The following ANKRD30A variants were observed in gnomAD, a reference collection of about 807,000 sequenced individuals.
ANKRD30A encodes ankyrin repeat domain-containing protein 30A.
Under a neutral mutation model 166.3 loss-of-function variants are expected in ANKRD30A, and 170 were observed. That is an observed-to-expected ratio of 1.02 (90% CI 0.90 to 1.16). ANKRD30A has a LOEUF of 1.16. Ranked by LOEUF, ANKRD30A falls within the 50% of genes most tolerant of loss-of-function variation. ANKRD30A has a pLI of 0.00. For synonymous variants in ANKRD30A, 564 were observed against 508.9 expected, an observed-to-expected ratio of 1.11 and a Z score of -1.46; for missense variants, 1,630 against 1,518.0, an observed-to-expected ratio of 1.07 and a Z score of -1.23.
chr10:37,191,502 C>T (rs543619199), intron 25 of ANKRD30A, among the ~76,000 whole-genome samples: 18 of 151,906 alleles, frequency 1.2e-4, no homozygotes, highest in Admixed American at 2.0e-4. Context: ...TAGCATTCTA[C>T]GTTCAGCTTT....
At chr10:37,144,349 G>A (rs1025921356) in intron 7 of ANKRD30A, among the ~76,000 whole-genome samples, 37 of 152,234 alleles carry the variant, frequency 2.4e-4, no homozygotes, top group African/African-American at 7.9e-4. Flanking sequence ...TCTCCAAGGA[G>A]GCACAAGTTG....
At chr10:37,162,275 A>C (rs1434506769) in intron 15 of ANKRD30A, among the ~76,000 whole-genome samples, 1 of 152,184 alleles carries the variant, frequency 6.6e-6, no homozygotes, top group Non-Finnish European at 1.5e-5. Flanking sequence ...TACCTTTCCG[A>C]AGATAGGCTA....
intron 27 of ANKRD30A, among the ~76,000 whole-genome samples, chr10:37,196,764 C>A (rs1345192732): frequency 6.6e-6 from 1 of 151,992 alleles, no homozygotes; most frequent in Non-Finnish European, 1.5e-5. Flanking sequence ...TGATTACACC[C>A]TATGGTTATG....
At chr10:37,139,155 A>C (rs571732884) in intron 6 of ANKRD30A, among the ~76,000 whole-genome samples, 25 of 152,336 alleles carry the variant, frequency 1.6e-4, no homozygotes, top group South Asian at 4.1e-4. Flanking sequence ...GAAATAAAAT[A>C]CTTTACAGAC....
chr10:37,222,133 T>C (rs1842928411), intron 34 of ANKRD30A, among the ~76,000 whole-genome samples: 1 of 151,298 alleles, frequency 6.6e-6, no homozygotes, highest in African/African-American at 2.4e-5. Flanking sequence ...CACATTTAAA[T>C]TGTACAACTC....
the ANKRD30A span, among the ~76,000 whole-genome samples, chr10:37,245,032 G>A: frequency 7.9e-5 from 12 of 152,154 alleles, no homozygotes; most frequent in Non-Finnish European, 1.6e-4. Context: ...CAAGGATTTT[G>A]ATTGGAATTT....
Position 37,178,362 on chromosome 10 carries a change from G to A in ANKRD30A, c.2421+2144G>A, listed in dbSNP as rs16937402. 3.3e-3 allele frequency: 1,083 copies of A among 325,002 alleles called. 4 individuals are homozygous for A. Among genetic ancestry groups the A allele is most frequent in the African/African-American group, 0.022 (980 of 44,932 alleles). The allele number at this position is 325,002 out of a possible 1,614,324, so 20.1% of individuals were successfully genotyped here. A position where few individuals can be genotyped will look rare whatever the true frequency, so the allele number is the denominator to read the frequency against. On this transcript the variant is annotated intron_variant, in intron 24 of 35. Transcript: ENST00000361713. Reference sequence around the variant, plus strand: ...GTATATAAATTGTCATATACACTCCGTATAGACCAGAGGTTTTCAAACTTT... The same window carrying A: ...GTATATAAATTGTCATATACACTCCATATAGACCAGAGGTTTTCAAACTTT...
At chr10:37,127,416 C>T (rs1441542898) in intron 1 of ANKRD30A, among the ~76,000 whole-genome samples, 1 of 152,052 alleles carries the variant, frequency 6.6e-6, no homozygotes, top group Non-Finnish European at 1.5e-5. Flanking sequence ...AGCAAGCACT[C>T]TGAAGGGCAA....
Position 37,153,661 on chromosome 10 carries a change from A to G in ANKRD30A, c.1797A>G (p.Glu599=). 6.2e-7 allele frequency: 1 copy of G among 1,611,076 alleles called. No individual in the cohort carries two copies. Among genetic ancestry groups the G allele is most frequent in the Non-Finnish European group, 8.5e-7 (1 of 1,179,332 alleles). ...TAGATAAAATAAATGGAAAATTAGA[A>G]GGTAAGAACCGTTTTTTATTTAAAA... ...KEIDKINGKL[E]ESPNKDGLLK... The change falls in exon 13 of 36, where the codon GAA becomes GAG. Residue 599 remains glutamate (E), a splice_region_variant and synonymous_variant. Transcript: ENST00000361713.
chr10:37,210,957 G>A (rs887576473), intron 31 of ANKRD30A, among the ~76,000 whole-genome samples: 9 of 152,172 alleles, frequency 5.9e-5, no homozygotes, highest in Non-Finnish European at 1.3e-4. Context: ...CTGTGCCGAA[G>A]CTCTTTAGTT....
intron 12 of ANKRD30A, among the ~76,000 whole-genome samples, chr10:37,153,175 T>TAAAAC (rs1440779264): frequency 4.6e-5 from 7 of 152,180 alleles, no homozygotes; most frequent in Admixed American, 2.0e-4. Flanking sequence ...TTTAAATGTT[T>TAAAAC]AATGCTGTAT....
chr10:37,218,503 CTA>C (rs1164278513), intron 33 of ANKRD30A, among the ~76,000 whole-genome samples: 1 of 150,742 alleles, frequency 6.6e-6, no homozygotes, highest in South Asian at 2.1e-4. Flanking sequence ...TTAAAATTAA[CTA>C]TATTTTTTAA....
chr10:37,235,924 C>G (rs1385956521), downstream of ANKRD30A, among the ~76,000 whole-genome samples: 6 of 151,990 alleles, frequency 3.9e-5, no homozygotes, highest in African/African-American at 1.4e-4. Context: ...CGCCCGCCAC[C>G]AAGCACAGCT....
chr10:37,157,572 G>A (rs1838482815), intron 13 of ANKRD30A, among the ~76,000 whole-genome samples: 1 of 152,086 alleles, frequency 6.6e-6, no homozygotes, highest in Non-Finnish European at 1.5e-5. Context: ...CCAAAATAGT[G>A]ATTTTGGCCA....
chr10:37,219,320 CT>C lies in ANKRD30A; in HGVS notation c.3610del (p.Ser1204LeufsTer10). 2 of 1,610,264 alleles carry C rather than the reference CT, an allele frequency of 1.2e-6. No individual in the cohort carries two copies. The highest frequency in any genetic ancestry group is 1.7e-6 in the Non-Finnish European group (2 of 1,177,534). ...ATTGAATCACACCATCCTAGACTGGCTTCTGCTGTACAAGACCATGATCAAA... is the reference window on the plus strand; with the variant it reads ...ATTGAATCACACCATCCTAGACTGGCTCTGCTGTACAAGACCATGATCAAA... ...AEIESHHPRL[A>X]SAVQDHDQIV... On this transcript the variant is annotated frameshift_variant, in exon 34 of 36. Coordinates refer to ENST00000361713, the MANE Select transcript of ANKRD30A (RefSeq NM_052997.3). LOFTEE classifies it high-confidence loss of function.
At chr10:37,154,200 A>G (rs1328524876) in intron 13 of ANKRD30A, among the ~76,000 whole-genome samples, 5 of 152,196 alleles carry the variant, frequency 3.3e-5, no homozygotes, top group Admixed American at 1.3e-4. Context: ...GCTGTGTTCT[A>G]TTTGCAATAG....
chr10:37,249,915 A>G, the ANKRD30A span, among the ~76,000 whole-genome samples: 2 of 152,248 alleles, frequency 1.3e-5, no homozygotes, highest in Non-Finnish European at 2.9e-5. Context: ...TAAGGTGAGT[A>G]GTAGAAGGAA....
intron 2 of ANKRD30A, 56 bp downstream of exon 2, chr10:37,130,063 T>G (rs1478437699): frequency 5.4e-5 from 69 of 1,277,404 alleles, no homozygotes; most frequent in Non-Finnish European, 2.6e-5. Context: ...ATACATAGAA[T>G]AAAAATGAAT....
the ANKRD30A span, among the ~76,000 whole-genome samples, chr10:37,265,856 A>G: frequency 6.6e-6 from 1 of 152,120 alleles, no homozygotes; most frequent in Non-Finnish European, 1.5e-5. Flanking sequence ...TGCCTCACTT[A>G]CTCTGCGGAA....
Sources: allele counts gnomAD v4.1 joint callset (sites outside exome capture counted in the v4.1 genomes callset), GRCh38; gene constraint gnomAD v4.1.1; transcripts MANE v1.5; gene names NCBI Gene and HGNC (gene_info 2026-07-23, HGNC 2026-07-21).